Variants in ST13 observed in about 807,000 individuals in gnomAD.
The protein encoded by ST13 is ST13 Hsp70 interacting protein, also known as hsc70-interacting protein.
Under a neutral mutation model 56.7 loss-of-function variants are expected in ST13, and 23 were observed. The ratio of observed to expected loss-of-function variants is 0.41; its 90% CI spans 0.29 to 0.57. The LOEUF (loss-of-function observed/expected upper bound fraction) is 0.57, where lower values mean the gene tolerates loss of function less well. Ranked by LOEUF, ST13 falls within the 20% of genes least tolerant of loss-of-function variation. The pLI is 0.36. For synonymous variants in ST13, 132 were observed against 142.4 expected (o/e 0.93, Z 0.52); for missense variants, 369 against 459.9 (o/e 0.80, Z 1.81).
chr22:40,840,937 C>A (rs575581166), intron 4 of ST13, among the ~76,000 whole-genome samples: 1 of 152,002 alleles, frequency 6.6e-6, no homozygotes, highest in Admixed American at 6.6e-5. Context: ...CTTAACCTTC[C>A]GTCCCAACCA....
intron 7 of ST13, 183 bp downstream of exon 7, chr22:40,835,374 TTTC>T (rs1289851952): frequency 2.1e-5 from 10 of 469,678 alleles, no homozygotes; most frequent in Admixed American, 1.1e-4. Context: ...TTCTTTTAAA[TTTC>T]TTTTTTTTTT....
intron 5 of ST13, among the ~76,000 whole-genome samples, chr22:40,839,381 TA>T (rs2057792039): frequency 6.6e-6 from 1 of 152,180 alleles, no homozygotes; most frequent in Non-Finnish European, 1.5e-5. Context: ...ATCACTGTTA[TA>T]AAGAGTGAAA....
chr22:40,851,138 T>C (rs1001120967), intron 1 of ST13, among the ~76,000 whole-genome samples: 1 of 151,130 alleles, frequency 6.6e-6, no homozygotes, highest in African/African-American at 2.5e-5. Context: ...GTATAGCTTC[T>C]CTGTGCCTCT....
intron 7 of ST13, among the ~76,000 whole-genome samples, chr22:40,833,950 A>G (rs553613362): frequency 6.6e-6 from 1 of 152,296 alleles, no homozygotes; most frequent in South Asian, 2.1e-4. Flanking sequence ...AACTTTTCAT[A>G]GTTATCTTGA....
chr22:40,852,492 T>C (rs1312241781), intron 1 of ST13, among the ~76,000 whole-genome samples: 1 of 152,210 alleles, frequency 6.6e-6, no homozygotes, highest in Non-Finnish European at 1.5e-5. Flanking sequence ...TCCCTTAGTA[T>C]CATCTGAGAA....
intron 4 of ST13, among the ~76,000 whole-genome samples, chr22:40,843,817 G>A (rs773280366): frequency 1.3e-4 from 19 of 151,122 alleles, no homozygotes; most frequent in Non-Finnish European, 1.8e-4. Context: ...ACAGGAGTTC[G>A]CAAATGCCAG....
chr22:40,854,861 C>T (rs1377318315), intron 1 of ST13, among the ~76,000 whole-genome samples: 1 of 152,170 alleles, frequency 6.6e-6, no homozygotes, highest in Non-Finnish European at 1.5e-5. Context: ...ACGACTAAAA[C>T]CTAGCCCTCA....
chr22:40,844,797 A>G, intron 4 of ST13, 42 bp downstream of exon 4: 1 of 1,521,054 alleles, frequency 6.6e-7, no homozygotes, highest in Non-Finnish European at 9.1e-7. Flanking sequence ...AGGACCTTTC[A>G]CATTTCTTAG....
intron 1 of ST13, among the ~76,000 whole-genome samples, chr22:40,853,500 G>C (rs2057872352): frequency 6.6e-6 from 1 of 152,076 alleles, no homozygotes; most frequent in Non-Finnish European, 1.5e-5. Context: ...GCTACTTTCT[G>C]GCCAAAAACT....
chr22:40,830,968 A>G lies in ST13; in HGVS notation c.682-12T>C. On this transcript the variant is annotated splice_polypyrimidine_tract_variant and intron_variant, in intron 8 of 11. Transcript: ENST00000216218. ...GCAATTTTCTGTGCCTAGAAAAAAG[A>G]GCCATAGCAAAATAAGCTTGCTCCA... 1.9e-6 allele frequency: 3 copies of G among 1,567,302 alleles called. No individual in the cohort carries two copies. The highest frequency in any genetic ancestry group is 2.6e-6 in the Non-Finnish European group (3 of 1,151,204).
At chr22:40,827,283 TATTTCATCCACAA>T in intron 10 of ST13, 54 bp from the exon 11 acceptor site, 1 of 1,585,756 alleles carries the variant, frequency 6.3e-7, no homozygotes, top group Non-Finnish European at 8.6e-7. Context: ...TCTGACACAG[TATTTCATCCACAA>T]AAAGTACAGG....
intron 5 of ST13, among the ~76,000 whole-genome samples, chr22:40,838,140 C>T (rs534134405): frequency 1.3e-5 from 2 of 152,274 alleles, no homozygotes; most frequent in Admixed American, 6.5e-5. Context: ...CTCAATGATG[C>T]TGTTGTAGTG....
intron 4 of ST13, 34 bp from the exon 5 acceptor site, chr22:40,840,726 TAG>T (rs199774761): frequency 7.4e-4 from 1,162 of 1,560,164 alleles, no homozygotes; most frequent in Non-Finnish European, 8.3e-4. Context: ...TTAGAATTAG[TAG>T]AGAGAGAGAG....
intron 5 of ST13, among the ~76,000 whole-genome samples, chr22:40,836,842 A>AT (rs143067931): frequency 0.021 from 3,250 of 152,160 alleles, 111 homozygotes; most frequent in African/African-American, 0.073. Context: ...CAAATACAGA[A>AT]TTTTTTTTAA....
intron 5 of ST13, among the ~76,000 whole-genome samples, chr22:40,837,024 T>C (rs1569000883): frequency 1.3e-5 from 2 of 152,186 alleles, no homozygotes; most frequent in Non-Finnish European, 2.9e-5. Context: ...CTGTGTCACC[T>C]AGGCTGCTCT....
chr22:40,841,101 T>C (rs550430379), intron 4 of ST13, among the ~76,000 whole-genome samples: 9 of 149,390 alleles, frequency 6.0e-5, no homozygotes, highest in Middle Eastern at 3.5e-3. Context: ...GCTATATAGA[T>C]AGACCAAACA....
chr22:40,830,028 G>C (rs947241298), intron 9 of ST13, among the ~76,000 whole-genome samples: 1 of 152,060 alleles, frequency 6.6e-6, no homozygotes, highest in African/African-American at 2.4e-5. Flanking sequence ...TTGTTTCCTA[G>C]GTACATCTTT....
At chr22:40,852,380 T>C (rs35800717) in intron 1 of ST13, among the ~76,000 whole-genome samples, 5,576 of 152,340 alleles carry the variant, frequency 0.037, 139 homozygotes, top group Non-Finnish European at 0.055. Flanking sequence ...TAATAGATTG[T>C]CCTTCTTTAT....
chr22:40,838,961 A>C (rs1462243191), intron 5 of ST13, among the ~76,000 whole-genome samples: 3 of 152,146 alleles, frequency 2.0e-5, no homozygotes, highest in Non-Finnish European at 4.4e-5. Flanking sequence ...GGAGAAAACA[A>C]GATTGGAGAA....
Sources: allele counts gnomAD v4.1 joint callset (sites outside exome capture counted in the v4.1 genomes callset), GRCh38; gene constraint gnomAD v4.1.1; transcripts MANE v1.5; gene names NCBI Gene and HGNC (gene_info 2026-07-23, HGNC 2026-07-21).